KIF15: variants seen among roughly 807,000 people sequenced by gnomAD.
The protein encoded by KIF15 is kinesin-like protein KIF15.
KIF15 carries 140 observed loss-of-function variants against 190.6 expected under a neutral mutation model. The ratio of observed to expected loss-of-function variants is 0.73; its 90% confidence interval spans 0.64 to 0.84. The LOEUF is 0.84. Ranked by LOEUF, KIF15 falls within the 40% of genes least tolerant of loss-of-function variation. The pLI, the probability that KIF15 is intolerant of heterozygous loss-of-function variation, is 0.00. For missense variants in KIF15, 1,372 were observed against 1,584.4 expected (o/e 0.87, Z 2.28); for synonymous variants, 528 against 551.3 (o/e 0.96, Z 0.59).
intron 19 of KIF15, among the ~76,000 whole-genome samples, chr3:44,813,823 G>A (rs1404150271): frequency 6.6e-6 from 1 of 152,038 alleles, no homozygotes; most frequent in Admixed American, 6.6e-5. Flanking sequence ...TCGCCATGTT[G>A]GCCAGGCTGG....
chr3:44,842,837 AAT>A (rs1261505420), intron 29 of KIF15, among the ~76,000 whole-genome samples: 2 of 152,222 alleles, frequency 1.3e-5, no homozygotes, highest in Non-Finnish European at 2.9e-5. Context: ...AACATTTTTC[AAT>A]ATAGAGATTT....
intron 6 of KIF15, 72 bp downstream of exon 6, chr3:44,785,014 T>TA: frequency 1.4e-6 from 1 of 739,756 alleles, no homozygotes; most frequent in Non-Finnish European, 2.3e-6. Flanking sequence ...GATAATTAGC[T>TA]CATGATACAT....
At position 44,815,044 on chromosome 3, in the gene KIF15, C is replaced by T; in HGVS notation, c.2517C>T (p.His839=). Residue 839 remains histidine (H), a synonymous_variant, in exon 20 of 35, where the codon CAC becomes CAT. Coordinates refer to ENST00000326047, the MANE Select transcript of KIF15 (RefSeq NM_020242.3). ...EKEFNKLSER[H]MHVQLQLDNL... is the part of the protein sequence containing the mutation. ...AATTCAACAAACTTTCCGAAAGACA[C>T]ATGCATGTACAGCTTCAATTAGATA... is the stretch of plus-strand genomic sequence containing the variant. 1 of 1,603,750 alleles carries T rather than the reference C, an allele frequency of 6.2e-7. No individual in the cohort carries two copies. The highest frequency in any genetic ancestry group is 8.5e-7 in the Non-Finnish European group (1 of 1,176,724).
intron 22 of KIF15, 133 bp downstream of exon 22, chr3:44,826,593 G>T (rs1252209108): frequency 1.6e-6 from 1 of 610,826 alleles, no homozygotes; most frequent in East Asian, 3.0e-5. Context: ...GCAACAGCAG[G>T]TTCTTTTGTA....
In KIF15 at chr3:44,797,610, C is replaced by G. The variant is rs201191673; in HGVS notation, c.909C>G (p.Val303=). 1.2e-6 allele frequency: 2 copies of G among 1,614,012 alleles called. No homozygotes were observed. The highest frequency in any genetic ancestry group is 1.7e-6 in the Non-Finnish European group (2 of 1,179,964). Residue 303 remains valine (V), a synonymous_variant, in exon 9 of 35, where the codon GTC becomes GTG. Transcript: ENST00000326047. Reference sequence around the variant, plus strand: ...TGGGCCAAGTGATTACAGCACTTGTCGACGTGGGTAATGGAAAACAGAGAC... The same window carrying G: ...TGGGCCAAGTGATTACAGCACTTGTGGACGTGGGTAATGGAAAACAGAGAC... ...SCLGQVITAL[V]DVGNGKQRHV...
At chr3:44,806,569 A>T (rs1213597367) in intron 16 of KIF15, among the ~76,000 whole-genome samples, 1 of 152,168 alleles carries the variant, frequency 6.6e-6, no homozygotes, top group Non-Finnish European at 1.5e-5. Flanking sequence ...GGAAAACAAA[A>T]GGTTGAGGAG....
chr3:44,831,387 AATT>A (rs1698065859), intron 26 of KIF15, among the ~76,000 whole-genome samples: 1 of 152,060 alleles, frequency 6.6e-6, no homozygotes, highest in Admixed American at 6.6e-5. Flanking sequence ...ATTTCACCAA[AATT>A]ATTATATTTT....
intron 26 of KIF15, among the ~76,000 whole-genome samples, chr3:44,837,107 A>G (rs918074033): frequency 6.6e-6 from 1 of 152,190 alleles, no homozygotes; most frequent in African/African-American, 2.4e-5. Flanking sequence ...GCCAATTTCT[A>G]TGTTTATTCA....
Position 44,786,453 on chromosome 3 carries a change from A to G in KIF15, c.518A>G (p.Gln173Arg). 2 of 1,613,270 alleles carry G rather than the reference A, an allele frequency of 1.2e-6. No individual in the cohort carries two copies. The highest frequency in any genetic ancestry group is 8.5e-7 in the Non-Finnish European group (1 of 1,179,392). ...KCSFIEIYNE[Q>R]IYDLLDSASA... ...TCCTTTATTGAAATCTACAACGAGC[A>G]GATATATGATCTACTGGACTCTGCA... The change falls in exon 7 of 35, where the codon CAG becomes CGG. Residue 173 changes from glutamine (Q) to arginine (R), a missense_variant. By Grantham distance (43) the Gln-to-Arg change is conservative. Coordinates refer to ENST00000326047, the MANE Select transcript of KIF15 (RefSeq NM_020242.3).
chr3:44,785,070 C>A, intron 6 of KIF15, 128 bp downstream of exon 6: 1 of 497,462 alleles, frequency 2.0e-6, no homozygotes. Flanking sequence ...ACTAGCGTGG[C>A]ATAAAAAAAA....
chr3:44,828,358 C>G (rs898873461), intron 24 of KIF15, 58 bp downstream of exon 24: 38 of 1,234,438 alleles, frequency 3.1e-5, no homozygotes, highest in Non-Finnish European at 4.2e-5. Context: ...GCTAGTTTAA[C>G]ATTTTGTTCT....
At chr3:44,793,326 A>G (rs1229150805) in intron 7 of KIF15, among the ~76,000 whole-genome samples, 1 of 152,200 alleles carries the variant, frequency 6.6e-6, no homozygotes. Flanking sequence ...GGGAAAAAAT[A>G]CTTTGTAGAC....
chr3:44,829,632 A>G (rs1451973466), intron 24 of KIF15, among the ~76,000 whole-genome samples: 1 of 131,924 alleles, frequency 7.6e-6, no homozygotes, highest in Admixed American at 8.6e-5. Flanking sequence ...TATACATTAT[A>G]TATGTATATA....
At chr3:44,795,829 T>G (rs1260744621) in intron 8 of KIF15, among the ~76,000 whole-genome samples, 1 of 152,170 alleles carries the variant, frequency 6.6e-6, no homozygotes, top group Non-Finnish European at 1.5e-5. Context: ...TTGAGTCGCC[T>G]GACCTACATT....
chr3:44,854,371 T>TG (rs1699159302), downstream of KIF15, among the ~76,000 whole-genome samples: 1 of 119,408 alleles, frequency 8.4e-6, no homozygotes, highest in Non-Finnish European at 1.7e-5. Flanking sequence ...GGCAACAGAG[T>TG]GAAAAAAAAA....
At chr3:44,782,128 C>T (rs1243342111) in intron 5 of KIF15, among the ~76,000 whole-genome samples, 2 of 152,182 alleles carry the variant, frequency 1.3e-5, no homozygotes, top group Admixed American at 6.5e-5. Flanking sequence ...TGGCTCACTG[C>T]AACCTTTGCC....
At chr3:44,817,934 G>A (rs1247201071) in intron 20 of KIF15, among the ~76,000 whole-genome samples, 2 of 152,112 alleles carry the variant, frequency 1.3e-5, no homozygotes, top group African/African-American at 4.8e-5. Context: ...GTGGTTTGTA[G>A]TTCTCCTTGA....
At chr3:44,834,206 G>A (rs1479599326) in intron 26 of KIF15, among the ~76,000 whole-genome samples, 1 of 152,072 alleles carries the variant, frequency 6.6e-6, no homozygotes, top group East Asian at 1.9e-4. Context: ...CTAAAATTTA[G>A]TTTTATGGCT....
At chr3:44,793,882 C>CTA (rs1559538957) in intron 7 of KIF15, among the ~76,000 whole-genome samples, 1 of 132,378 alleles carries the variant, frequency 7.6e-6, no homozygotes, top group Non-Finnish European at 1.6e-5. Flanking sequence ...TTCTCTTTTC[C>CTA]TTTTTTTTTT....
Sources: gnomAD v4.1 joint callset for allele counts (sites outside exome capture counted in the v4.1 genomes callset) on GRCh38, gnomAD v4.1.1 for gene constraint, MANE v1.5 for transcripts, NCBI Gene and HGNC (gene_info 2026-07-23, HGNC 2026-07-21) for gene names.